Variants in CDKL5 observed in about 807,000 individuals in gnomAD.
CDKL5 encodes cyclin-dependent kinase-like 5.
In CDKL5, 8 loss-of-function variants were observed where a neutral mutation model predicts 61.7. That is an observed-to-expected ratio of 0.13 (90% confidence interval 0.08 to 0.23). CDKL5 has a LOEUF of 0.23. Among genes scored for constraint, CDKL5 ranks in the 10% least tolerant of loss-of-function variants. The pLI, the probability that CDKL5 is intolerant of heterozygous loss-of-function variation, is 1.00. For synonymous variants in CDKL5, 275 were observed against 272.3 expected, an observed-to-expected ratio of 1.01 and a Z score of -0.10; for missense variants, 440 against 734.5, an observed-to-expected ratio of 0.60 and a Z score of 4.63.
intron 4 of CDKL5, among the ~76,000 whole-genome samples, chrX:18,569,535 G>A (rs1044951279): frequency 8.9e-6 from 1 of 111,939 alleles, no homozygotes; most frequent in Non-Finnish European, 1.9e-5. Flanking sequence ...AGTGAGATTT[G>A]ATGTTCAGAT....
intron 3 of CDKL5, among the ~76,000 whole-genome samples, chrX:18,536,408 GA>G (rs748708293): frequency 2.1e-5 from 2 of 94,047 alleles, no homozygotes; most frequent in Non-Finnish European, 4.1e-5. Flanking sequence ...ACAAGTTCTA[GA>G]GAGTATTATT....
intron 20 of CDKL5, among the ~76,000 whole-genome samples, chrX:18,649,687 T>G (rs1447961325): frequency 8.9e-6 from 1 of 111,995 alleles, no homozygotes; most frequent in East Asian, 2.8e-4. Flanking sequence ...GCAATTGCAT[T>G]TTTAACAAGC....
Position 18,482,677 on chromosome X carries a change from GT to G in CDKL5, c.-162-24243del, listed in dbSNP as rs751218896. On this transcript the variant is annotated intron_variant, in intron 1 of 17. Coordinates refer to ENST00000623535, the MANE Select transcript of CDKL5 (RefSeq NM_001323289.2). ...GATGTTCTTCAATTTGTCAGTTCTT[GT>G]TTTTTTTTTTTTTTCTTGGCACAAC... Among the ~76,000 whole-genome samples the G allele has an allele frequency of 1.1e-3, 95 of 89,068 alleles. 1 individual carries two copies. The highest frequency in any genetic ancestry group is 6.0e-3 in the Middle Eastern group (1 of 168). The allele number at this position is 89,068 out of a possible 115,157, so 77.3% of individuals were successfully genotyped here.
intron 14 of CDKL5, among the ~76,000 whole-genome samples, chrX:18,611,439 CA>C (rs1350028134): frequency 0.014 from 531 of 39,251 alleles, 2 homozygotes; most frequent in Middle Eastern, 0.085. Flanking sequence ...CGTCTCAAAA[CA>C]AAAAAAAAAA....
intron 1 of CDKL5, among the ~76,000 whole-genome samples, chrX:18,437,964 T>C (rs193284341): frequency 1.4e-3 from 157 of 112,481 alleles, no homozygotes; most frequent in African/African-American, 4.3e-3. Context: ...TCTCCACATA[T>C]ACGAAGAATA....
In CDKL5 at chrX:18,647,430, C is replaced by T. The variant is rs954636716; in HGVS notation, c.2797+1340C>T. The stretch of plus-strand genomic sequence containing the variant: ...AAACAAACCCATCTGCTTTGCGCTT[C>T]GGAGACGGAGAAGGCTTTACCTGTC... On this transcript the variant is annotated intron_variant, in intron 20 of 21. Coordinates refer to the CDKL5 transcript ENST00000379989. The T allele has an allele frequency of 6.9e-5, 64 of 933,983 alleles. No homozygotes were observed. In the South Asian group the frequency reaches 8.1e-4, roughly 12 times the overall value. The allele number at this position is 933,983 out of a possible 1,213,427, so 77.0% of individuals were successfully genotyped here. A position where few individuals can be genotyped will look rare whatever the true frequency, so the allele number is the denominator to read the frequency against.
chrX:18,526,455 A>T (rs1306704394), intron 3 of CDKL5, among the ~76,000 whole-genome samples: 2 of 110,414 alleles, frequency 1.8e-5, no homozygotes, highest in African/African-American at 6.6e-5. Flanking sequence ...TCCTTTTCTT[A>T]TCTTATTGTA....
chrX:18,614,791 G>A (rs1280697669), intron 15 of CDKL5, among the ~76,000 whole-genome samples: 7 of 112,342 alleles, frequency 6.2e-5, no homozygotes, highest in Non-Finnish European at 1.1e-4. Flanking sequence ...GTGTGGCTTT[G>A]ATAAGTCATG....
intron 3 of CDKL5, among the ~76,000 whole-genome samples, chrX:18,555,704 C>T (rs776477789): frequency 8.9e-6 from 1 of 112,285 alleles, no homozygotes; most frequent in African/African-American, 3.2e-5. Flanking sequence ...TTTTAACTTA[C>T]TGTCATGCGT....
chrX:18,465,330 G>T (rs1332379536), intron 1 of CDKL5, among the ~76,000 whole-genome samples: 1 of 111,454 alleles, frequency 9.0e-6, no homozygotes, highest in East Asian at 2.8e-4. Context: ...CTTCTTCAAG[G>T]ACGTCTTGTT....
chrX:18,518,703 A>G (rs1461272573), intron 3 of CDKL5, among the ~76,000 whole-genome samples: 3 of 110,163 alleles, frequency 2.7e-5, no homozygotes, highest in African/African-American at 9.9e-5. Flanking sequence ...CCCAGCCCTA[A>G]AGTCATGTTT....
chrX:18,564,557 A>T (rs1412693039), intron 4 of CDKL5, 35 bp downstream of exon 4: 1 of 553,174 alleles, frequency 1.8e-6, no homozygotes, highest in Non-Finnish European at 2.5e-6. Flanking sequence ...ATATCTGTAT[A>T]TATGTATTTT....
intron 10 of CDKL5, among the ~76,000 whole-genome samples, chrX:18,597,340 CA>C (rs1348682878): frequency 1.8e-5 from 2 of 110,114 alleles, no homozygotes; most frequent in African/African-American, 6.6e-5. Flanking sequence ...ATTTTGTCCA[CA>C]TCTAAGTACC....
chrX:18,566,136 A>G (rs900668242), intron 4 of CDKL5, among the ~76,000 whole-genome samples: 2 of 111,987 alleles, frequency 1.8e-5, no homozygotes, highest in African/African-American at 3.2e-5. Context: ...AAAAAGTACA[A>G]TCTAGGCCAT....
intron 3 of CDKL5, among the ~76,000 whole-genome samples, chrX:18,547,590 AC>A (rs1924243564): frequency 8.9e-6 from 1 of 111,814 alleles, no homozygotes; most frequent in Non-Finnish European, 1.9e-5. Context: ...CTTGAGACTT[AC>A]GTGCCACTCT....
intron 1 of CDKL5, among the ~76,000 whole-genome samples, chrX:18,504,707 G>A (rs1184953200): frequency 1.8e-5 from 2 of 110,490 alleles, no homozygotes; most frequent in Admixed American, 1.9e-4. Flanking sequence ...CGAGACGGGC[G>A]GATCACGAGG....
Position 18,629,032 on chromosome X carries a change from A to G in CDKL5, c.*275A>G, listed in dbSNP as rs376567611. On this transcript the variant is annotated 3_prime_UTR_variant, in exon 18 of 18. Transcript: ENST00000623535. ...AGAGTGTGCCATTGAGGAAGAAGAA[A>G]TTCTTGCCAGTTTCTCCCCTTTACA... 90 of 900,821 alleles carry G rather than the reference A, an allele frequency of 1.0e-4. No individual in the cohort carries two copies. In the East Asian group the frequency reaches 3.6e-3, roughly 36 times the overall value. The allele number at this position is 900,821 out of a possible 1,213,427, so 74.2% of individuals were successfully genotyped here. A position where few individuals can be genotyped will look rare whatever the true frequency, so the allele number is the denominator to read the frequency against.
chrX:18,435,692 A>G (rs1931595153), intron 1 of CDKL5, among the ~76,000 whole-genome samples: 1 of 111,479 alleles, frequency 9.0e-6, no homozygotes, highest in Admixed American at 9.6e-5. Flanking sequence ...TCAGCCTCCC[A>G]AGTAGCTGGG....
intron 15 of CDKL5, among the ~76,000 whole-genome samples, chrX:18,613,671 C>T (rs1177774695): frequency 9.0e-6 from 1 of 111,176 alleles, no homozygotes; most frequent in African/African-American, 3.3e-5. Flanking sequence ...GACACTGAAG[C>T]TTGGAAAAGT....
Sources: gnomAD v4.1 joint callset for allele counts (sites outside exome capture counted in the v4.1 genomes callset) on GRCh38, gnomAD v4.1.1 for gene constraint, MANE v1.5 for transcripts, NCBI Gene and HGNC (gene_info 2026-07-23, HGNC 2026-07-21) for gene names.